Variants in STXBP3 observed in about 807,000 individuals in gnomAD.
The protein encoded by STXBP3 is syntaxin-binding protein 3.
Under a neutral mutation model 85.7 loss-of-function variants are expected in STXBP3, and 41 were observed. That is an observed-to-expected ratio of 0.48 (90% CI 0.37 to 0.62). The LOEUF (loss-of-function observed/expected upper bound fraction) is 0.62, where lower values mean the gene tolerates loss of function less well. Ranked by LOEUF, STXBP3 falls within the 20% of genes least tolerant of loss-of-function variation. The pLI is 0.00. For missense variants in STXBP3, 563 were observed against 703.1 expected (o/e 0.80, Z 2.25); for synonymous variants, 229 against 231.7 (o/e 0.99, Z 0.10).
chr1:108,802,125 G>A (rs184949389), intron 17 of STXBP3, among the ~76,000 whole-genome samples: 205 of 152,086 alleles, frequency 1.3e-3, no homozygotes, highest in Middle Eastern at 3.4e-3. Flanking sequence ...GGCCGGGTGC[G>A]GTGGCTCATG....
At chr1:108,766,470 C>T (rs1454296829) in intron 6 of STXBP3, among the ~76,000 whole-genome samples, 4 of 151,986 alleles carry the variant, frequency 2.6e-5, no homozygotes, top group Admixed American at 1.3e-4. Context: ...AGAACATATA[C>T]GTTACATTTG....
chr1:108,772,232 ATATC>A (rs1325105431), intron 6 of STXBP3, among the ~76,000 whole-genome samples: 1 of 71,536 alleles, frequency 1.4e-5, no homozygotes, highest in Admixed American at 1.3e-4. Flanking sequence ...TAAATACATG[ATATC>A]TATCTGTATC....
chr1:108,782,735 A>G, intron 11 of STXBP3, 29 bp downstream of exon 11: 1 of 1,536,208 alleles, frequency 6.5e-7, no homozygotes, highest in South Asian at 1.2e-5. Flanking sequence ...TTTCAAAGTA[A>G]TAGTGAAGGT....
At chr1:108,785,895 G>A (rs1431812700) in intron 11 of STXBP3, among the ~76,000 whole-genome samples, 1 of 152,144 alleles carries the variant, frequency 6.6e-6, no homozygotes, top group Non-Finnish European at 1.5e-5. Context: ...CCTCAGCCTG[G>A]ATTTGATTAT....
Position 108,807,606 on chromosome 1 carries a change from C to G in STXBP3, c.1684+57C>G, listed in dbSNP as rs144454692. ...TTTTTTTTTTTTTGAGACTAAGTCT[C>G]GGTCTTGTCCCCCAGGCTGGAGTGG... On this transcript the variant is annotated intron_variant, in intron 18 of 18. Transcript: ENST00000370008. 582 of 1,502,818 alleles carry G rather than the reference C, an allele frequency of 3.9e-4. No individual in the cohort carries two copies. In the African/African-American group the frequency reaches 7.9e-3, roughly 20 times the overall value. 93.1% of individuals were successfully genotyped at this position (1,502,818 alleles called of 1,614,324 possible).
chr1:108,791,737 C>G (rs1662979816), intron 11 of STXBP3, among the ~76,000 whole-genome samples: 2 of 152,268 alleles, frequency 1.3e-5, no homozygotes, highest in South Asian at 4.1e-4. Flanking sequence ...CATATAACCA[C>G]TACCACAATC....
intron 11 of STXBP3, among the ~76,000 whole-genome samples, chr1:108,784,636 C>G (rs1301823458): frequency 6.6e-6 from 1 of 152,146 alleles, no homozygotes; most frequent in Non-Finnish European, 1.5e-5. Context: ...CAATCATGCC[C>G]TTCCAACAGT....
At chr1:108,796,804 T>C (rs535533899) in intron 15 of STXBP3, 78 bp downstream of exon 15, 3 of 939,814 alleles carry the variant, frequency 3.2e-6, no homozygotes, top group Non-Finnish European at 3.0e-6. Context: ...TTTTTTTTTT[T>C]ATGTGGACAG....
In STXBP3 at chr1:108,796,247, G is replaced by A; in HGVS notation, c.1124G>A (p.Gly375Glu). Residue 375 changes from glycine (G) to glutamate (E), a missense_variant, in exon 14 of 19, where the codon GGA (glycine) becomes GAA (glutamate). Transcript: ENST00000370008. ...LCKTEQDLALGTDAEGQKVKD... is the reference protein window; with the variant it reads ...LCKTEQDLALETDAEGQKVKD... The stretch of plus-strand genomic sequence containing the variant: ...ATTTTCATTAAGGACCTGGCACTTG[G>A]AACTGATGCAGAAGGACAGAAGGTG... The A allele has an allele frequency of 6.2e-7, 1 of 1,611,034 alleles. No individual in the cohort carries two copies. Among genetic ancestry groups the A allele is most frequent in the South Asian group, 1.1e-5 (1 of 90,168 alleles).
intron 6 of STXBP3, among the ~76,000 whole-genome samples, chr1:108,763,071 G>A (rs892153326): frequency 1.3e-5 from 2 of 152,178 alleles, no homozygotes; most frequent in Non-Finnish European, 2.9e-5. Flanking sequence ...AAGAATATTT[G>A]CACAAGGCAC....
intron 11 of STXBP3, among the ~76,000 whole-genome samples, chr1:108,791,369 G>T (rs531037554): frequency 4.6e-5 from 7 of 152,208 alleles, no homozygotes; most frequent in African/African-American, 1.7e-4. Context: ...TGAGCTTCTT[G>T]AGTCACTGGG....
At position 108,772,390 on chromosome 1, in the gene STXBP3, ATATAAATACATATGATATCTATCTGT is replaced by A. The variant is rs202166496; in HGVS notation, c.439-274_439-249del. Among the ~76,000 whole-genome samples, 95 of 46,812 alleles carry A rather than the reference ATATAAATACATATGATATCTATCTGT, an allele frequency of 2.0e-3. 24 individuals are homozygous for A. Among genetic ancestry groups the A allele is most frequent in the African/African-American group, 8.0e-3 (84 of 10,528 alleles). The allele number at this position is 46,812 out of a possible 152,430, so 30.7% of individuals were successfully genotyped here. ...ATATAAATACATATGATATCTGTAT[ATATAAATACATATGATATCTATCTGT>A]ATATATAAATACATATGATATCTAT... On this transcript the variant is annotated intron_variant, in intron 6 of 18. Coordinates refer to ENST00000370008, the MANE Select transcript of STXBP3 (RefSeq NM_007269.4).
intron 6 of STXBP3, among the ~76,000 whole-genome samples, chr1:108,762,047 G>T (rs1401766767): frequency 2.0e-5 from 3 of 152,116 alleles, no homozygotes; most frequent in Non-Finnish European, 4.4e-5. Context: ...TTGGATTTTT[G>T]ATTGTTTGCA....
intron 6 of STXBP3, among the ~76,000 whole-genome samples, chr1:108,760,292 A>G (rs1662110585): frequency 6.6e-6 from 1 of 152,188 alleles, no homozygotes; most frequent in Non-Finnish European, 1.5e-5. Context: ...TAAATTTCAT[A>G]TCTGCCACCA....
In STXBP3 at chr1:108,774,218, G is replaced by T. The variant is rs116090766; in HGVS notation, c.593+1399G>T. ...TTTTAATTTTGGTCTGCTAGTTCAT[G>T]TGTGACCCTCTCGCCTCAGTTTCCT... On this transcript the variant is annotated intron_variant, in intron 7 of 18. Coordinates refer to ENST00000370008, the MANE Select transcript of STXBP3 (RefSeq NM_007269.4). Among the ~76,000 whole-genome samples, 1,019 of 152,228 alleles carry T rather than the reference G, an allele frequency of 6.7e-3. 13 individuals carry two copies. Among genetic ancestry groups the T allele is most frequent in the African/African-American group, 0.022 (895 of 41,526 alleles).
intron 18 of STXBP3, 29 bp downstream of exon 18, chr1:108,807,578 T>TTG: frequency 9.0e-7 from 1 of 1,113,304 alleles, no homozygotes; most frequent in Non-Finnish European, 1.2e-6. Flanking sequence ...TCTTTTCTGT[T>TTG]TTTTTTTTTT....
chr1:108,796,163 A>T, intron 13 of STXBP3, 71 bp from the exon 14 acceptor site: 1 of 1,534,216 alleles, frequency 6.5e-7, no homozygotes, highest in Non-Finnish European at 8.9e-7. Flanking sequence ...GTACCCAGCC[A>T]ATAATAGATG....
At chr1:108,803,268 G>T (rs1663268961) in intron 17 of STXBP3, among the ~76,000 whole-genome samples, 1 of 152,106 alleles carries the variant, frequency 6.6e-6, no homozygotes. Context: ...AGACCAACTG[G>T]ATGTAAACCA....
intron 5 of STXBP3, among the ~76,000 whole-genome samples, chr1:108,759,699 G>A (rs1176749932): frequency 6.6e-6 from 1 of 152,134 alleles, no homozygotes; most frequent in Non-Finnish European, 1.5e-5. Context: ...GTTTGGACTT[G>A]ATTTTTCTTC....
Sources: gnomAD v4.1 joint callset for allele counts (sites outside exome capture counted in the v4.1 genomes callset) on GRCh38, gnomAD v4.1.1 for gene constraint, MANE v1.5 for transcripts, NCBI Gene and HGNC (gene_info 2026-07-23, HGNC 2026-07-21) for gene names.